The following ACP3 variants were observed in gnomAD, a reference collection of about 807,000 sequenced individuals.
ACP3 encodes the protein acid phosphatase 3, also known as prostatic acid phosphatase.
A neutral mutation model predicts 45.6 loss-of-function variants in ACP3; 38 were observed. The ratio of observed to expected loss-of-function variants is 0.83; its 90% CI spans 0.64 to 1.09. The LOEUF (loss-of-function observed/expected upper bound fraction) is 1.09. ACP3 is among the 50% of genes least tolerant of loss of function. The pLI, the probability that ACP3 is intolerant of heterozygous loss-of-function variation, is 0.00. For missense variants in ACP3, 466 were observed against 463.2 expected (o/e 1.01, Z -0.05); for synonymous variants, 162 against 164.7 (o/e 0.98, Z 0.13).
chr3:132,363,943 T>A (rs1464587713), intron 10 of ACP3, among the ~76,000 whole-genome samples: 1 of 151,740 alleles, frequency 6.6e-6, no homozygotes, highest in Non-Finnish European at 1.5e-5. Context: ...TCTCAAAAAA[T>A]AAATAAATAA....
chr3:132,321,050 A>G (rs1222858882), intron 1 of ACP3, among the ~76,000 whole-genome samples: 1 of 152,166 alleles, frequency 6.6e-6, no homozygotes, highest in African/African-American at 2.4e-5. Context: ...AGGACCTCCT[A>G]GCTACTAGGG....
In ACP3 at chr3:132,337,536, G is replaced by T; in HGVS notation, c.537G>T (p.Lys179Asn). 6.2e-7 allele frequency: 1 copy of T among 1,609,666 alleles called. No homozygotes were observed. The highest frequency in any genetic ancestry group is 8.5e-7 in the Non-Finnish European group (1 of 1,176,436). ...CTTTGAAATCAGAGGAATTCCAGAA[G>T]AGGCTGCACCCTTATAAGGTTAAAA... Reference protein sequence around the residue: ...SETLKSEEFQKRLHPYKDFIA... With the variant: ...SETLKSEEFQNRLHPYKDFIA... Residue 179 changes from lysine to asparagine, a missense_variant, in exon 5 of 10, where the codon AAG (lysine) becomes AAT (asparagine). Physicochemically the swap from Lys to Asn is moderately conservative, Grantham distance 94 (BLOSUM62 0). Coordinates refer to ENST00000336375, the MANE Select transcript of ACP3 (RefSeq NM_001099.5).
At chr3:132,353,552 T>C (rs1395595937) in intron 9 of ACP3, among the ~76,000 whole-genome samples, 3 of 152,180 alleles carry the variant, frequency 2.0e-5, no homozygotes, top group African/African-American at 7.2e-5. Context: ...CTTCATGGGA[T>C]ATTATTAGTG....
At chr3:132,366,436 T>C (rs559627800) in intron 10 of ACP3, among the ~76,000 whole-genome samples, 14 of 152,210 alleles carry the variant, frequency 9.2e-5, no homozygotes, top group South Asian at 4.1e-4. Context: ...GAAGTCAGTG[T>C]TGGGATATAT....
chr3:132,353,387 A>G (rs1442491490), intron 9 of ACP3, among the ~76,000 whole-genome samples: 2 of 152,210 alleles, frequency 1.3e-5, no homozygotes, highest in Non-Finnish European at 2.9e-5. Context: ...TGTTCTCAGA[A>G]CATGTGAATT....
At chr3:132,352,476 G>A (rs1366599062) in intron 8 of ACP3, among the ~76,000 whole-genome samples, 1 of 151,938 alleles carries the variant, frequency 6.6e-6, no homozygotes, top group African/African-American at 2.4e-5. Context: ...GGGATTACAG[G>A]CATGAGCTAC....
intron 1 of ACP3, among the ~76,000 whole-genome samples, chr3:132,324,922 T>C (rs1350856551): frequency 6.6e-6 from 1 of 152,226 alleles, no homozygotes; most frequent in African/African-American, 2.4e-5. Context: ...ATTATAGGCA[T>C]GAGCCACTGT....
At chr3:132,340,888 G>C (rs1937546461) in intron 5 of ACP3, among the ~76,000 whole-genome samples, 1 of 152,066 alleles carries the variant, frequency 6.6e-6, no homozygotes, top group Non-Finnish European at 1.5e-5. Flanking sequence ...GAGTCAGCTT[G>C]TCTAGTTCCA....
chr3:132,358,208 A>C lies in ACP3; in HGVS notation c.*1330A>C, dbSNP rs1157495280. 1 of 1,086,716 alleles carries C rather than the reference A, an allele frequency of 9.2e-7. No individual in the cohort carries two copies. Among genetic ancestry groups the C allele is most frequent in the Non-Finnish European group, 1.1e-6 (1 of 880,848 alleles). 67.3% of individuals were successfully genotyped at this position (1,086,716 alleles called of 1,614,324 possible). On this transcript the variant is annotated 3_prime_UTR_variant, in exon 10 of 10. Coordinates refer to ENST00000336375, the MANE Select transcript of ACP3 (RefSeq NM_001099.5). ...TGTGTTCAAGACCAGCCTGGTCAAC[A>C]TAGTGAGACACTGTCTCTACCAAAA... is the stretch of plus-strand genomic sequence containing the variant.
At chr3:132,323,187 C>T (rs1937235957) in intron 1 of ACP3, among the ~76,000 whole-genome samples, 1 of 150,614 alleles carries the variant, frequency 6.6e-6, no homozygotes, top group Non-Finnish European at 1.5e-5. Context: ...AAAAAGCACA[C>T]ATAGCACACC....
chr3:132,359,401 G>A (rs111483048), downstream of ACP3, among the ~76,000 whole-genome samples: 18,104 of 152,102 alleles, frequency 0.12, 1,384 homozygotes, highest in Non-Finnish European at 0.18. Flanking sequence ...CCAGCTACTC[G>A]GGAGGCTGAG....
In ACP3 at chr3:132,357,548, T is replaced by G; in HGVS notation, c.*670T>G. On this transcript the variant is annotated 3_prime_UTR_variant, in exon 10 of 10. Transcript: ENST00000336375. ...GGTCCTGGAACATTTATGTTCCTTT[T>G]AAAGAAACAAAAATCAAACTTTACA... The G allele has an allele frequency of 1.0e-6, 1 of 984,554 alleles. No homozygotes were observed. Among genetic ancestry groups the G allele is most frequent in the Non-Finnish European group, 1.2e-6 (1 of 829,112 alleles). 61.0% of individuals were successfully genotyped at this position (984,554 alleles called of 1,614,324 possible).
chr3:132,336,263 A>T (rs972036780), intron 4 of ACP3, among the ~76,000 whole-genome samples: 1 of 151,970 alleles, frequency 6.6e-6, no homozygotes, highest in Non-Finnish European at 1.5e-5. Context: ...CTGTCTCAAA[A>T]CATAATAATA....
In ACP3 at chr3:132,342,354, C is replaced by T. The variant is rs576796204; in HGVS notation, c.556-198C>T. Among the ~76,000 whole-genome samples, 6 of 152,220 alleles carry T rather than the reference C, an allele frequency of 3.9e-5. 1 individual carries two copies. In the South Asian group the frequency reaches 8.3e-4, roughly 21 times the overall value. ...CCTCACAAGGAACATTTGGCAATGT[C>T]GGGAGATATTCTGGGTTATACAAGT... On this transcript the variant is annotated intron_variant, in intron 5 of 9. Transcript: ENST00000336375.
chr3:132,339,075 T>A (rs1194154541), intron 5 of ACP3, among the ~76,000 whole-genome samples: 1 of 152,152 alleles, frequency 6.6e-6, no homozygotes, highest in Non-Finnish European at 1.5e-5. Flanking sequence ...TTCCCCTCTA[T>A]GTGTCCGTGT....
chr3:132,317,538 C>G lies in ACP3; in HGVS notation c.82C>G (p.Arg28Gly), dbSNP rs149109145. ...FLFLLFFWLDRSVLAKELKFV... is the reference protein window; with the variant it reads ...FLFLLFFWLDGSVLAKELKFV... ...GTTTCTGCTTTTTTTCTGGCTAGAC[C>G]GAAGTGTACTAGCCAAGGAGTTGAA... is the stretch of plus-strand genomic sequence containing the variant. Residue 28 changes from arginine (R) to glycine (G), a missense_variant, in exon 1 of 10, where the codon CGA (arginine) becomes GGA (glycine). Transcript: ENST00000336375. 1.2e-6 allele frequency: 2 copies of G among 1,613,572 alleles called. No homozygotes were observed. Among genetic ancestry groups the G allele is most frequent in the East Asian group, 4.5e-5 (2 of 44,858 alleles).
chr3:132,328,083 C>G (rs1159064851), intron 1 of ACP3, among the ~76,000 whole-genome samples, 184 bp from the exon 2 acceptor site: 1 of 151,904 alleles, frequency 6.6e-6, no homozygotes, highest in African/African-American at 2.4e-5. Flanking sequence ...ACATCCCAGA[C>G]TAATTAAATA....
In ACP3 at chr3:132,357,606, C is replaced by G. The variant is rs1387829643; in HGVS notation, c.*728C>G. The G allele has an allele frequency of 1.0e-6, 1 of 984,042 alleles. No homozygotes were observed. Among genetic ancestry groups the G allele is most frequent in the Non-Finnish European group, 1.2e-6 (1 of 828,876 alleles). The allele number at this position is 984,042 out of a possible 1,614,324, so 61.0% of individuals were successfully genotyped here. A position where few individuals can be genotyped will look rare whatever the true frequency, so the allele number is the denominator to read the frequency against. On this transcript the variant is annotated 3_prime_UTR_variant, in exon 10 of 10. Transcript: ENST00000336375. ...TTGATGTATGTAATACATATAGCAG[C>G]TCTTGAAGTATATATATCATAGCAA...
At chr3:132,328,155 T>TCTC in intron 1 of ACP3, 112 bp from the exon 2 acceptor site, 1 of 722,154 alleles carries the variant, frequency 1.4e-6, no homozygotes, top group Non-Finnish European at 2.2e-6. Context: ...GTGATTACAA[T>TCTC]GGGAAGCCAA....
Sources: allele counts gnomAD v4.1 joint callset (sites outside exome capture counted in the v4.1 genomes callset), GRCh38; gene constraint gnomAD v4.1.1; transcripts MANE v1.5; gene names NCBI Gene and HGNC (gene_info 2026-07-23, HGNC 2026-07-21).